Variants in MEGF6 observed in about 807,000 individuals in gnomAD.
MEGF6 encodes the protein multiple epidermal growth factor-like domains protein 6.
MEGF6 carries 184 observed loss-of-function variants against 207.1 expected under a neutral mutation model. The observed-to-expected ratio is 0.89, with a 90% confidence interval of 0.79 to 1.00. The LOEUF (loss-of-function observed/expected upper bound fraction) is 1.00, where lower values mean the gene tolerates loss of function less well. MEGF6 is among the 50% of genes least tolerant of loss of function. MEGF6 has a pLI of 0.00. For missense variants in MEGF6, 2,282 were observed against 2,202.9 expected (o/e 1.04, Z -0.72); for synonymous variants, 1,038 against 910.0 (o/e 1.14, Z -2.53).
chr1:3,498,851 C>A lies in MEGF6; in HGVS notation c.3095-25G>T, dbSNP rs533648183. 3.0e-4 allele frequency: 470 copies of A among 1,545,050 alleles called. 9 individuals are homozygous for A. The South Asian group carries it at 5.3e-3, about 17-fold the overall frequency. On this transcript the variant is annotated intron_variant, in intron 24 of 36. Transcript: ENST00000356575. ...GCTGGGGCCAGGGAAGAGGGAGCAA[C>A]CTGCATCCCCCAGCCAGCTGGCCCC...
At chr1:3,574,537 T>C (rs1643588913) in intron 4 of MEGF6, among the ~76,000 whole-genome samples, 1 of 96,586 alleles carries the variant, frequency 1.0e-5, no homozygotes, top group Non-Finnish European at 1.9e-5. Context: ...TCTAGTGTGG[T>C]GGTGCTGGAG....
intron 4 of MEGF6, among the ~76,000 whole-genome samples, chr1:3,539,894 G>A (rs1305938615): frequency 6.6e-6 from 1 of 152,204 alleles, no homozygotes; most frequent in Non-Finnish European, 1.5e-5. Context: ...GCCTCCCCAA[G>A]CTCCAAGTCT....
chr1:3,519,526 G>A (rs1307195662), intron 5 of MEGF6, among the ~76,000 whole-genome samples: 3 of 152,248 alleles, frequency 2.0e-5, no homozygotes, highest in South Asian at 2.1e-4. Flanking sequence ...GGGAGGCCCC[G>A]ACCCAGGGCT....
chr1:3,593,835 C>T (rs942303585), intron 3 of MEGF6, among the ~76,000 whole-genome samples: 1 of 152,206 alleles, frequency 6.6e-6, no homozygotes, highest in African/African-American at 2.4e-5. Context: ...CAGCACCCCC[C>T]TCCCTGCTGC....
chr1:3,591,130 G>A (rs563952205), intron 3 of MEGF6, among the ~76,000 whole-genome samples: 10 of 152,088 alleles, frequency 6.6e-5, no homozygotes, highest in Admixed American at 4.6e-4. Context: ...ACAAGCCCCC[G>A]ACCCCACCAG....
intron 3 of MEGF6, among the ~76,000 whole-genome samples, chr1:3,581,922 A>C (rs2821047): frequency 0.87 from 132,302 of 151,576 alleles, 57,935 homozygotes; most frequent in Middle Eastern, 0.92. Context: ...ACCCCATACC[A>C]TTCCCTCCCT....
intron 1 of MEGF6, among the ~76,000 whole-genome samples, chr1:3,606,659 G>A (rs1034741034): frequency 6.6e-6 from 1 of 152,224 alleles, no homozygotes; most frequent in African/African-American, 2.4e-5. Flanking sequence ...ACTTGTACCT[G>A]GAAAGTGGGC....
intron 29 of MEGF6, 119 bp downstream of exon 29, chr1:3,496,536 C>T (rs1032567901): frequency 6.9e-7 from 1 of 1,453,312 alleles, no homozygotes; most frequent in Admixed American, 2.0e-5. Flanking sequence ...CCAGGCCCAG[C>T]CAGAGGGGGC....
chr1:3,549,894 G>A (rs533257596), intron 4 of MEGF6, among the ~76,000 whole-genome samples: 1 of 152,282 alleles, frequency 6.6e-6, no homozygotes, highest in South Asian at 2.1e-4. Flanking sequence ...GGCACGGGTG[G>A]GCGGTCGAAG....
chr1:3,498,899 G>A, intron 24 of MEGF6, 73 bp from the exon 25 acceptor site: 1 of 1,521,634 alleles, frequency 6.6e-7, no homozygotes. Flanking sequence ...TGGCTTTCCA[G>A]CCCCATGTTG....
rs184409427 is a variant in MEGF6 at position 3,535,534 on chromosome 1, G to A, written c.482-11288C>T. Among the ~76,000 whole-genome samples, 22 of 152,264 alleles carry A rather than the reference G, an allele frequency of 1.4e-4. No homozygotes were observed. The East Asian group carries it at 2.7e-3, about 19-fold the overall frequency. ...CACAGGCTCCTCCTATCCCGTAGCC[G>A]GGAGTCCCCCGCTTCTGCTCCTCTC... is the stretch of plus-strand genomic sequence containing the variant. On this transcript the variant is annotated intron_variant, in intron 4 of 36. Transcript: ENST00000356575.
rs548308895 is a variant in MEGF6, at chr1:3,511,556, A to G, written c.1108T>C (p.Cys370Arg). 4.4e-6 allele frequency: 7 copies of G among 1,605,664 alleles called. No homozygotes were observed. In the Admixed American group the frequency reaches 8.4e-5, roughly 19 times the overall value. ...GYELDTDQRT[C>R]IDVDDCADSP... is the part of the protein sequence containing the mutation. The stretch of plus-strand genomic sequence containing the variant: ...GGGAGGAGCCAGTGCGCACCGATGC[A>G]GGTCCTCTGATCTGTGTCCAGCTCG... The change falls in exon 9 of 37, where the codon TGC becomes CGC. Residue 370 changes from cysteine (C) to arginine (R), a missense_variant. Transcript: ENST00000356575.
At position 3,553,887 on chromosome 1, in the gene MEGF6, G is replaced by A. The variant is rs551287633; in HGVS notation, c.481+25938C>T. ...GAACAGGTGGGCCCGGGAGCACCCC[G>A]TTGGCCAGCACACCAGAAAGTGCCG... On this transcript the variant is annotated intron_variant, in intron 4 of 36. Transcript: ENST00000356575. Among the ~76,000 whole-genome samples the A allele has an allele frequency of 1.0e-3, 155 of 152,318 alleles. 1 individual carries two copies. The highest frequency in any genetic ancestry group is 2.9e-4 in the Non-Finnish European group (20 of 68,024).
chr1:3,618,356 A>G, the MEGF6 span, among the ~76,000 whole-genome samples: 1 of 152,048 alleles, frequency 6.6e-6, no homozygotes, highest in Non-Finnish European at 1.5e-5. The surrounding 1 kb of genome is among the most constrained non-coding windows in gnomAD (Gnocchi z 4.7). Flanking sequence ...CACTCACCCA[A>G]AGGAAGCCCA....
intron 29 of MEGF6, among the ~76,000 whole-genome samples, chr1:3,496,347 G>C (rs978412348): frequency 6.6e-6 from 1 of 152,242 alleles, no homozygotes; most frequent in African/African-American, 2.4e-5. Flanking sequence ...GGCCACAGTT[G>C]AGCTGCCTGG....
chr1:3,580,872 G>C (rs1426848741), intron 3 of MEGF6, among the ~76,000 whole-genome samples: 1 of 152,064 alleles, frequency 6.6e-6, no homozygotes, highest in Admixed American at 6.5e-5. Flanking sequence ...GTGACCTGTG[G>C]GCTCAGTGAG....
chr1:3,619,360 C>G, the MEGF6 span, among the ~76,000 whole-genome samples: 1 of 152,218 alleles, frequency 6.6e-6, no homozygotes, highest in African/African-American at 2.4e-5. Context: ...CCATCATGCA[C>G]GTGTGACACA....
At chr1:3,618,224 G>A in the MEGF6 span, among the ~76,000 whole-genome samples, 1 of 152,136 alleles carries the variant, frequency 6.6e-6, no homozygotes, top group Non-Finnish European at 1.5e-5. This position sits in a 1 kb window ranked among gnomAD's most constrained non-coding sequence, Gnocchi z 4.7. Flanking sequence ...GAGCGGTGTG[G>A]GCCGCACCCT....
intron 4 of MEGF6, among the ~76,000 whole-genome samples, chr1:3,547,769 C>T (rs1013441147): frequency 1.3e-5 from 2 of 152,134 alleles, no homozygotes; most frequent in African/African-American, 2.4e-5. Flanking sequence ...TTTGCGGGTG[C>T]GGGAATGTGG....
Sources: allele counts gnomAD v4.1 joint callset (sites outside exome capture counted in the v4.1 genomes callset), GRCh38; gene constraint gnomAD v4.1.1; non-coding constraint Gnocchi (gnomAD v3.1); transcripts MANE v1.5; gene names NCBI Gene and HGNC (gene_info 2026-07-23, HGNC 2026-07-21).